ADGRV1: variants seen among roughly 807,000 people sequenced by gnomAD.
The protein encoded by ADGRV1 is G-protein coupled receptor 98.
In ADGRV1, 359 loss-of-function variants were observed where a neutral mutation model predicts 596.2. The observed-to-expected ratio is 0.60, with a 90% confidence interval of 0.55 to 0.66. The LOEUF (loss-of-function observed/expected upper bound fraction) is 0.66, where lower values mean the gene tolerates loss of function less well. ADGRV1 is among the 30% of genes least tolerant of loss of function. The pLI is 0.00. For synonymous variants in ADGRV1, 2,681 were observed against 2,679.2 expected, an observed-to-expected ratio of 1.00 and a Z score of -0.02; for missense variants, 7,274 against 7,575.6, an observed-to-expected ratio of 0.96 and a Z score of 1.48.
intron 85 of ADGRV1, among the ~76,000 whole-genome samples, chr5:91,036,345 G>A (rs1483732697): frequency 6.6e-6 from 1 of 151,980 alleles, no homozygotes; most frequent in Non-Finnish European, 1.5e-5. Context: ...GGATCACTAG[G>A]TCAGGAGATC....
rs775321108 is a variant in ADGRV1 at position 90,745,116 on chromosome 5, T to G, written c.10620T>G (p.Ser3540=). 3.7e-5 allele frequency: 60 copies of G among 1,613,708 alleles called. No homozygotes were observed. The highest frequency in any genetic ancestry group is 5.1e-5 in the Non-Finnish European group (60 of 1,179,806). ...YCWNSERNQF[S]FVLEVPSAYD... is the part of the protein sequence containing the mutation. The stretch of plus-strand genomic sequence containing the variant: ...GGAATTCGGAGCGTAATCAATTCTC[T>G]TTTGTTCTGGAAGTACCTTCTGCTT... The change falls in exon 51 of 90, where the codon TCT becomes TCG. Residue 3540 remains serine (S), a synonymous_variant. Coordinates refer to ENST00000405460, the MANE Select transcript of ADGRV1 (RefSeq NM_032119.4).
chr5:90,750,373 AT>A (rs1755104179), intron 52 of ADGRV1, among the ~76,000 whole-genome samples, 177 bp from the exon 53 acceptor site: 1 of 148,230 alleles, frequency 6.7e-6, no homozygotes, highest in African/African-American at 2.5e-5. Flanking sequence ...TTATTCAAAC[AT>A]GTGTGTTTTA....
intron 1 of ADGRV1, among the ~76,000 whole-genome samples, chr5:90,566,592 G>A (rs1271139976): frequency 1.3e-5 from 2 of 151,894 alleles, no homozygotes; most frequent in African/African-American, 4.8e-5. Context: ...TATTAATTAT[G>A]TTGTAAATGC....
chr5:91,014,151 C>CACACACACACACACACACAT (rs1167987207), intron 85 of ADGRV1, among the ~76,000 whole-genome samples: 1 of 149,954 alleles, frequency 6.7e-6, no homozygotes. Flanking sequence ...CACACACACA[C>CACACACACACACACACACAT]ACACACACAC....
At position 91,004,694 on chromosome 5, in the gene ADGRV1, G is replaced by A. The variant is rs1426547134; in HGVS notation, c.18152+19172G>A. 2.0e-5 allele frequency among the ~76,000 whole-genome samples: 3 copies of A among 152,264 alleles called. No individual in the cohort carries two copies. The South Asian group carries it at 6.2e-4, about 32-fold the overall frequency. ...GCTTTAATAAATGTACCTAAGTATT[G>A]ATTTAATCATTTGTTGTGAATTCTA... On this transcript the variant is annotated intron_variant, in intron 85 of 89. Coordinates refer to ENST00000405460, the MANE Select transcript of ADGRV1 (RefSeq NM_032119.4).
chr5:90,868,439 C>T (rs2150483370), intron 83 of ADGRV1, among the ~76,000 whole-genome samples: 1 of 151,888 alleles, frequency 6.6e-6, no homozygotes, highest in Non-Finnish European at 1.5e-5. Context: ...GGCAAGTGGA[C>T]TAAGAGATAA....
chr5:90,863,002 A>G (rs2150453785), intron 82 of ADGRV1, among the ~76,000 whole-genome samples: 1 of 152,352 alleles, frequency 6.6e-6, no homozygotes, highest in African/African-American at 2.4e-5. Context: ...ATGGCAAAGC[A>G]GTATACATAT....
intron 50 of ADGRV1, among the ~76,000 whole-genome samples, chr5:90,731,784 A>G (rs1473422294): frequency 3.9e-5 from 6 of 152,186 alleles, no homozygotes; most frequent in Non-Finnish European, 8.8e-5. Context: ...GAATCTATTC[A>G]TATTTATTGT....
At chr5:91,134,364 T>C (rs966777274) in intron 87 of ADGRV1, among the ~76,000 whole-genome samples, 1 of 152,082 alleles carries the variant, frequency 6.6e-6, no homozygotes, top group Non-Finnish European at 1.5e-5. Context: ...ACTTTTTGTA[T>C]GTTTTGTAAA....
intron 1 of ADGRV1, among the ~76,000 whole-genome samples, chr5:90,566,664 T>C (rs1394907668): frequency 6.6e-6 from 1 of 152,170 alleles, no homozygotes; most frequent in Non-Finnish European, 1.5e-5. Flanking sequence ...TAACAATTGA[T>C]TCTTGTATAT....
chr5:90,634,339 C>T (rs755069892), intron 9 of ADGRV1, among the ~76,000 whole-genome samples: 3 of 152,126 alleles, frequency 2.0e-5, no homozygotes, highest in African/African-American at 7.2e-5. Context: ...GTCAAGCCTA[C>T]GTCATGTATT....
intron 50 of ADGRV1, among the ~76,000 whole-genome samples, chr5:90,742,889 G>C: frequency 6.6e-6 from 1 of 152,214 alleles, no homozygotes; most frequent in East Asian, 1.9e-4. Context: ...TCTGCAACTG[G>C]TGGGTGAATG....
intron 87 of ADGRV1, among the ~76,000 whole-genome samples, chr5:91,135,634 C>T (rs1323463634): frequency 1.3e-5 from 2 of 152,160 alleles, no homozygotes; most frequent in African/African-American, 4.8e-5. Context: ...CCCTTGTTTT[C>T]TAGGCCCCAG....
intron 32 of ADGRV1, 109 bp from the exon 33 acceptor site, chr5:90,693,768 GTTTGTACTATGAC>G: frequency 1.4e-6 from 1 of 698,454 alleles, no homozygotes; most frequent in Non-Finnish European, 2.3e-6. Flanking sequence ...ACAGGATTGT[GTTTGTACTATGAC>G]TTTAAACATT....
intron 9 of ADGRV1, among the ~76,000 whole-genome samples, chr5:90,632,699 G>A (rs1765653732): frequency 6.6e-6 from 1 of 152,212 alleles, no homozygotes; most frequent in Admixed American, 6.5e-5. Flanking sequence ...AAAAGTTGAA[G>A]AAGGATGTAA....
In ADGRV1 at chr5:90,783,212, C is replaced by T; in HGVS notation, c.13320C>T (p.Ser4440=). Residue 4440 remains serine (S), a synonymous_variant, in exon 66 of 90, where the codon AGC becomes AGT. Transcript: ENST00000405460. ...GYVTADFISQ[S]SSASPGGVDY... Reference sequence around the variant, plus strand: ...TGACAGCTGATTTCATCTCTCAGAGCTCCTCTGCCAGTCCCGGAGGTGTTG... The same window carrying T: ...TGACAGCTGATTTCATCTCTCAGAGTTCCTCTGCCAGTCCCGGAGGTGTTG... The T allele has an allele frequency of 6.2e-7, 1 of 1,613,562 alleles. No homozygotes were observed. Among genetic ancestry groups the T allele is most frequent in the South Asian group, 1.1e-5 (1 of 91,074 alleles).
chr5:90,857,579 G>T (rs1767143614), intron 82 of ADGRV1, among the ~76,000 whole-genome samples: 1 of 152,110 alleles, frequency 6.6e-6, no homozygotes, highest in African/African-American at 2.4e-5. Flanking sequence ...CTAAATGTTA[G>T]TATCTGCTTT....
At chr5:90,763,587 TAATGCTGGG>T in intron 59 of ADGRV1, 118 bp downstream of exon 59, 1 of 1,002,466 alleles carries the variant, frequency 1.0e-6, no homozygotes, top group Non-Finnish European at 1.5e-6. Context: ...GTATATTGCA[TAATGCTGGG>T]GTTTGGGCTT....
chr5:91,060,469 A>G (rs1787326267), intron 85 of ADGRV1, among the ~76,000 whole-genome samples: 1 of 151,494 alleles, frequency 6.6e-6, no homozygotes, highest in Admixed American at 6.6e-5. Flanking sequence ...GCCTCAAGAA[A>G]TCCCCCAACC....
Sources: allele counts gnomAD v4.1 joint callset (sites outside exome capture counted in the v4.1 genomes callset), GRCh38; gene constraint gnomAD v4.1.1; transcripts MANE v1.5; gene names NCBI Gene and HGNC (gene_info 2026-07-23, HGNC 2026-07-21).